Variants in DLEU7 observed in about 807,000 individuals in gnomAD.
DLEU7 encodes deleted in lymphocytic leukemia 7, also known as leukemia-associated protein 7.
DLEU7 carries 17 observed loss-of-function variants against 16.0 expected under a neutral mutation model. That is an observed-to-expected ratio of 1.06 (90% CI 0.73 to 1.59). The LOEUF is 1.59. Among genes scored for constraint, DLEU7 ranks in the 40% most tolerant of loss-of-function variants. The pLI, the probability that DLEU7 is intolerant of heterozygous loss-of-function variation, is 0.00. For missense variants in DLEU7, 308 were observed against 314.9 expected, an observed-to-expected ratio of 0.98 and a Z score of 0.17; for synonymous variants, 113 against 139.8, an observed-to-expected ratio of 0.81 and a Z score of 1.35.
chr13:50,810,425 A>C (rs1876531548), intron 1 of DLEU7, among the ~76,000 whole-genome samples: 1 of 152,158 alleles, frequency 6.6e-6, no homozygotes, highest in Admixed American at 6.6e-5. Flanking sequence ...TCTACCATCT[A>C]TTATTACCTT....
At chr13:50,801,725 C>T (rs1876254904) in intron 1 of DLEU7, among the ~76,000 whole-genome samples, 1 of 152,102 alleles carries the variant, frequency 6.6e-6, no homozygotes, top group Admixed American at 6.6e-5. Context: ...TGTACCACCA[C>T]AAACCACAAC....
chr13:50,778,003 C>G (rs1482871045), intron 1 of DLEU7, among the ~76,000 whole-genome samples: 1 of 152,158 alleles, frequency 6.6e-6, no homozygotes, highest in Admixed American at 6.5e-5. Context: ...TCAGGAAGAT[C>G]AAGTGACAAA....
intron 1 of DLEU7, among the ~76,000 whole-genome samples, chr13:50,804,988 C>T (rs1438053916): frequency 1.3e-5 from 2 of 151,894 alleles, no homozygotes; most frequent in Admixed American, 6.6e-5. Context: ...TTATAATCTA[C>T]AAGCAATTAT....
At chr13:50,775,059 C>T (rs1369686233) in intron 1 of DLEU7, among the ~76,000 whole-genome samples, 2 of 151,592 alleles carry the variant, frequency 1.3e-5, no homozygotes, top group African/African-American at 4.9e-5. Context: ...TCAATGTTAA[C>T]GTCTGGTTAA....
In DLEU7 at chr13:50,829,416, G is replaced by A. The variant is rs1216500752; in HGVS notation, c.460-5896C>T. ...TCAAAATAGAAGGAACCACTAAAACGTGTGCTGACATGTGCCTATTAGCCA... is the reference window on the plus strand; with the variant it reads ...TCAAAATAGAAGGAACCACTAAAACATGTGCTGACATGTGCCTATTAGCCA... On this transcript the variant is annotated intron_variant, in intron 1 of 1. Transcript: ENST00000504404. Among the ~76,000 whole-genome samples the A allele has an allele frequency of 2.6e-5, 4 of 152,128 alleles. No individual in the cohort carries two copies. The East Asian group carries it at 7.7e-4, about 29-fold the overall frequency.
chr13:50,790,018 C>T (rs751503240), intron 1 of DLEU7, among the ~76,000 whole-genome samples: 1 of 151,334 alleles, frequency 6.6e-6, no homozygotes, highest in East Asian at 1.9e-4. Flanking sequence ...CTGCAACCTC[C>T]GCCTCCCAGG....
intron 1 of DLEU7, among the ~76,000 whole-genome samples, chr13:50,817,058 C>T (rs113133024): frequency 6.6e-6 from 1 of 152,040 alleles, no homozygotes; most frequent in African/African-American, 2.4e-5. Context: ...TTCTAGGATC[C>T]CTGTGAATTG....
In DLEU7 at chr13:50,721,296, C is replaced by G. The variant is rs187575497; in HGVS notation, c.460-8056G>C. 8.7e-4 allele frequency among the ~76,000 whole-genome samples: 132 copies of G among 152,306 alleles called. 1 individual carries two copies. The highest frequency in any genetic ancestry group is 3.0e-3 in the African/African-American group (124 of 41,586). On this transcript the variant is annotated intron_variant, in intron 1 of 1. Coordinates refer to the DLEU7 transcript ENST00000400393. ...GACTGAAGGATACACTGTCAGCTTC[C>G]CTACTTTTGGGGTTTTGGGACTGGG...
chr13:50,833,539 G>A (rs1009418489), intron 1 of DLEU7, among the ~76,000 whole-genome samples: 4 of 152,202 alleles, frequency 2.6e-5, no homozygotes, highest in African/African-American at 9.7e-5. Flanking sequence ...GGAAATAAGA[G>A]AGGACATAAA....
intron 1 of DLEU7, among the ~76,000 whole-genome samples, chr13:50,740,631 A>T (rs1874227905): frequency 6.6e-6 from 1 of 152,106 alleles, no homozygotes; most frequent in Non-Finnish European, 1.5e-5. Flanking sequence ...TTTATCGCTA[A>T]TCTCTGAAGT....
chr13:50,830,794 A>C (rs1877239246), intron 1 of DLEU7, among the ~76,000 whole-genome samples: 1 of 152,158 alleles, frequency 6.6e-6, no homozygotes, highest in Non-Finnish European at 1.5e-5. Context: ...TGCAGATGTT[A>C]CTTAGAATGG....
intron 1 of DLEU7, among the ~76,000 whole-genome samples, chr13:50,790,657 G>A (rs550044333): frequency 6.6e-6 from 1 of 152,094 alleles, no homozygotes; most frequent in Non-Finnish European, 1.5e-5. Flanking sequence ...GATGCGAGGG[G>A]TGTGGGGTGG....
In DLEU7 at chr13:50,794,766, GA is replaced by G. The variant is rs1410928741; in HGVS notation, c.459+48421del. ...CTGAGGCTCAAATGATTAATTTGCT[GA>G]AGTTCACAATCAATGTTAAATACAG... On this transcript the variant is annotated intron_variant, in intron 1 of 1. Transcript: ENST00000400393. 3.9e-5 allele frequency among the ~76,000 whole-genome samples: 6 copies of G among 152,150 alleles called. No homozygotes were observed. The East Asian group carries it at 1.2e-3, about 29-fold the overall frequency.
rs1876305644 is a variant in DLEU7, at chr13:50,803,580, A to C, written c.459+39608T>G. On this transcript the variant is annotated intron_variant, in intron 1 of 1. Transcript: ENST00000400393. ...ACACACCAGATTTCTTGGAACAAAA[A>C]GGAATAGAAATATCTTATTTATAAT... Among the ~76,000 whole-genome samples the C allele has an allele frequency of 1.3e-5, 2 of 152,164 alleles. 1 individual carries two copies. The highest frequency in any genetic ancestry group is 2.9e-5 in the Non-Finnish European group (2 of 68,012).
intron 1 of DLEU7, among the ~76,000 whole-genome samples, chr13:50,793,729 T>C (rs1014990014): frequency 2.0e-5 from 3 of 152,254 alleles, no homozygotes; most frequent in Admixed American, 1.3e-4. Flanking sequence ...TTATTTAAGT[T>C]CCTTATAGAT....
At chr13:50,728,769 CT>C (rs941052528) in intron 1 of DLEU7, among the ~76,000 whole-genome samples, 2 of 151,652 alleles carry the variant, frequency 1.3e-5, no homozygotes, top group African/African-American at 4.8e-5. Flanking sequence ...TGTCCATTGA[CT>C]TTTTTTTTCT....
intron 1 of DLEU7, among the ~76,000 whole-genome samples, chr13:50,738,962 T>C (rs1250419164): frequency 6.9e-6 from 1 of 144,656 alleles, no homozygotes; most frequent in Non-Finnish European, 1.5e-5. Context: ...TAAAAAATAA[T>C]ACACACACAC....
intron 1 of DLEU7, among the ~76,000 whole-genome samples, chr13:50,770,698 A>G (rs9596351): frequency 0.011 from 1,641 of 152,342 alleles, 31 homozygotes; most frequent in African/African-American, 0.037. Flanking sequence ...GGATTTTCGC[A>G]TCGATGTTCA....
At chr13:50,753,658 G>A (rs1362970924) in intron 1 of DLEU7, among the ~76,000 whole-genome samples, 1 of 152,156 alleles carries the variant, frequency 6.6e-6, no homozygotes, top group Non-Finnish European at 1.5e-5. Flanking sequence ...CAAGCACCGT[G>A]CGCAGCCCCA....
Sources: gnomAD v4.1 joint callset for allele counts (sites outside exome capture counted in the v4.1 genomes callset) on GRCh38, gnomAD v4.1.1 for gene constraint, MANE v1.5 for transcripts, NCBI Gene and HGNC (gene_info 2026-07-23, HGNC 2026-07-21) for gene names.